FHOD3: variants seen among roughly 807,000 people sequenced by gnomAD.
FHOD3 encodes FH1/FH2 domain-containing protein 3.
In FHOD3, 90 loss-of-function variants were observed where a neutral mutation model predicts 173.0. That is an observed-to-expected ratio of 0.52 (90% CI 0.44 to 0.62). The LOEUF (loss-of-function observed/expected upper bound fraction) is 0.62. FHOD3 is among the 20% of genes least tolerant of loss of function. The probability of loss-of-function intolerance (pLI) is 0.00; values close to 1 mark genes in which losing one functional copy is unlikely to be tolerated. For missense variants in FHOD3, 1,945 were observed against 2,034.7 expected (o/e 0.96, Z 0.85); for synonymous variants, 828 against 823.0 (o/e 1.01, Z -0.10).
intron 5 of FHOD3, among the ~76,000 whole-genome samples, chr18:36,552,500 T>C (rs1275001135): frequency 1.4e-5 from 2 of 146,956 alleles, no homozygotes; most frequent in Non-Finnish European, 3.0e-5. Context: ...CTTTTTCTTT[T>C]TCTTTTTTTT....
chr18:36,321,212 C>T (rs1464045800), intron 1 of FHOD3, among the ~76,000 whole-genome samples: 2 of 152,056 alleles, frequency 1.3e-5, no homozygotes, highest in African/African-American at 4.8e-5. Flanking sequence ...TTGTGTCTGC[C>T]CAGGTGCATG....
In FHOD3 at chr18:36,394,727, C is replaced by T. The variant is rs185958140; in HGVS notation, c.337+21983C>T. On this transcript the variant is annotated intron_variant, in intron 3 of 28. Coordinates refer to ENST00000590592, the MANE Select transcript of FHOD3 (RefSeq NM_001281740.3). ...TCACTTGCCCCAGGCCTGTAATCAA[C>T]TATGTCTCTAGGAAGCCCAGTTTGT... Among the ~76,000 whole-genome samples the T allele has an allele frequency of 3.0e-3, 451 of 152,274 alleles. 3 individuals are homozygous for T. The highest frequency in any genetic ancestry group is 9.4e-3 in the African/African-American group (392 of 41,552).
intron 7 of FHOD3, among the ~76,000 whole-genome samples, chr18:36,601,747 C>G (rs1056749809): frequency 2.0e-5 from 3 of 152,238 alleles, no homozygotes; most frequent in African/African-American, 7.2e-5. Context: ...CTTCATGTCG[C>G]AAACCACCAA....
At chr18:36,378,279 C>T (rs2047546722) in intron 3 of FHOD3, among the ~76,000 whole-genome samples, 5 of 152,134 alleles carry the variant, frequency 3.3e-5, no homozygotes, top group Admixed American at 3.3e-4. Context: ...TAAAAAACCT[C>T]CTCTCCTTTA....
At chr18:36,495,728 C>T (rs992632420) in intron 3 of FHOD3, among the ~76,000 whole-genome samples, 3 of 152,202 alleles carry the variant, frequency 2.0e-5, no homozygotes, top group African/African-American at 7.2e-5. Flanking sequence ...AGATTGAAGT[C>T]ATATGTGCAC....
At chr18:36,346,115 C>T (rs1435308959) in intron 1 of FHOD3, among the ~76,000 whole-genome samples, 1 of 152,188 alleles carries the variant, frequency 6.6e-6, no homozygotes, top group East Asian at 1.9e-4. Flanking sequence ...CCTGTAATCC[C>T]AGCACTTTGG....
chr18:36,686,227 G>A (rs149924081), intron 15 of FHOD3, among the ~76,000 whole-genome samples: 5 of 151,956 alleles, frequency 3.3e-5, no homozygotes, highest in African/African-American at 4.8e-5. Flanking sequence ...TGATAGACTG[G>A]ATAAAGAAAA....
chr18:36,372,191 A>G (rs1161055689), intron 2 of FHOD3, among the ~76,000 whole-genome samples: 1 of 152,194 alleles, frequency 6.6e-6, no homozygotes, highest in Non-Finnish European at 1.5e-5. Flanking sequence ...ATTTTCCTGT[A>G]AAAGTACAAG....
At chr18:36,316,279 G>A (rs983668016) in intron 1 of FHOD3, among the ~76,000 whole-genome samples, 5 of 152,164 alleles carry the variant, frequency 3.3e-5, no homozygotes, top group South Asian at 4.1e-4. Context: ...GGAAATCTGT[G>A]AGGGGACAAG....
chr18:36,448,053 A>G (rs890053708), intron 3 of FHOD3, among the ~76,000 whole-genome samples: 1 of 152,200 alleles, frequency 6.6e-6, no homozygotes, highest in African/African-American at 2.4e-5. Flanking sequence ...AAAAAGATGA[A>G]ACAAATGTAT....
chr18:36,427,281 T>C (rs1191916893), intron 3 of FHOD3, among the ~76,000 whole-genome samples: 2 of 137,378 alleles, frequency 1.5e-5, no homozygotes, highest in Admixed American at 7.5e-5. Flanking sequence ...CTGATCTTGC[T>C]TCTCTAAAAA....
At chr18:36,330,747 G>A (rs568860202) in intron 1 of FHOD3, among the ~76,000 whole-genome samples, 2 of 152,330 alleles carry the variant, frequency 1.3e-5, no homozygotes, top group South Asian at 4.1e-4. Flanking sequence ...TATGGGCACG[G>A]TCTTTTCCCA....
chr18:36,681,350 A>G (rs532381585), intron 14 of FHOD3, 86 bp from the exon 15 acceptor site: 25 of 1,535,676 alleles, frequency 1.6e-5, no homozygotes, highest in East Asian at 1.6e-4. Flanking sequence ...CAGACCCTCA[A>G]TTCTAACCAA....
At chr18:36,545,649 C>T (rs12964847) in intron 5 of FHOD3, among the ~76,000 whole-genome samples, 65,505 of 151,998 alleles carry the variant, frequency 0.43, 14,482 homozygotes, top group Non-Finnish European at 0.49. Flanking sequence ...TTTTCCTCAG[C>T]ATGGATTATG....
intron 3 of FHOD3, among the ~76,000 whole-genome samples, chr18:36,382,110 G>A (rs2047821169): frequency 6.6e-6 from 1 of 152,178 alleles, no homozygotes; most frequent in Admixed American, 6.5e-5. Flanking sequence ...TTGAGATAGC[G>A]ACCTGATGCA....
chr18:36,679,014 T>C (rs1394426094), intron 14 of FHOD3, among the ~76,000 whole-genome samples: 1 of 152,178 alleles, frequency 6.6e-6, no homozygotes, highest in Non-Finnish European at 1.5e-5. Flanking sequence ...CCTTGAGTAG[T>C]AGAAATCACA....
intron 3 of FHOD3, among the ~76,000 whole-genome samples, chr18:36,439,609 T>C (rs1453962402): frequency 2.0e-5 from 3 of 150,668 alleles, no homozygotes; most frequent in African/African-American, 5.0e-5. Context: ...TATGTGATTA[T>C]GAAGCCCAAG....
chr18:36,494,048 C>G (rs931880815), intron 3 of FHOD3, among the ~76,000 whole-genome samples: 9 of 152,166 alleles, frequency 5.9e-5, no homozygotes, highest in South Asian at 2.1e-4. Flanking sequence ...TGTTCCTCCC[C>G]CTACATATTC....
intron 6 of FHOD3, among the ~76,000 whole-genome samples, chr18:36,588,033 C>T (rs1318967325): frequency 1.3e-5 from 2 of 152,182 alleles, no homozygotes; most frequent in Admixed American, 1.3e-4. Flanking sequence ...ATGTGCCAAC[C>T]ATAGTCTCCA....
Sources: allele counts gnomAD v4.1 joint callset (sites outside exome capture counted in the v4.1 genomes callset), GRCh38; gene constraint gnomAD v4.1.1; transcripts MANE v1.5; gene names NCBI Gene and HGNC (gene_info 2026-07-23, HGNC 2026-07-21).